The following EBF3 variants were observed in gnomAD, a reference collection of about 807,000 sequenced individuals.
The protein encoded by EBF3 is EBF transcription factor 3, also known as transcription factor COE3.
In EBF3, 18 loss-of-function variants were observed where a neutral mutation model predicts 77.1. The ratio of observed to expected loss-of-function variants is 0.23; its 90% CI spans 0.16 to 0.35. The LOEUF (loss-of-function observed/expected upper bound fraction) is 0.35, where lower values mean the gene tolerates loss of function less well. EBF3 is among the 10% of genes least tolerant of loss of function. The pLI, the probability that EBF3 is intolerant of heterozygous loss-of-function variation, is 1.00. For synonymous variants in EBF3, 350 were observed against 343.5 expected (o/e 1.02, Z -0.21); for missense variants, 558 against 860.0 (o/e 0.65, Z 4.39).
chr10:129,942,822 G>C (rs1054918786), intron 6 of EBF3, among the ~76,000 whole-genome samples: 2 of 152,170 alleles, frequency 1.3e-5, no homozygotes, highest in African/African-American at 4.8e-5. Context: ...AACCAGGACA[G>C]ACTCTCCTCC....
Position 129,841,934 on chromosome 10 carries a change from C to G in EBF3, c.1372+182G>C, listed in dbSNP as rs895454358. Among the ~76,000 whole-genome samples, 2 of 152,184 alleles carry G rather than the reference C, an allele frequency of 1.3e-5. No individual in the cohort carries two copies. Among genetic ancestry groups the G allele is most frequent in the African/African-American group, 4.8e-5 (2 of 41,426 alleles). On this transcript the variant is annotated intron_variant, in intron 13 of 16. Transcript: ENST00000440978. This position sits in a 1 kb window ranked among gnomAD's most constrained non-coding sequence, Gnocchi z 4.6. ...ACTGGGCTCTCTGAGTGTTCTTACC[C>G]CAGCACTGGCTGGGAGGACCTGCAG...
At chr10:129,908,445 A>C (rs1855292169) in intron 6 of EBF3, among the ~76,000 whole-genome samples, 1 of 152,216 alleles carries the variant, frequency 6.6e-6, no homozygotes, top group South Asian at 2.1e-4. Flanking sequence ...GCAGAACTAC[A>C]TGGGCCGTCC....
At chr10:129,902,011 A>G (rs978072124) in intron 6 of EBF3, among the ~76,000 whole-genome samples, 1 of 152,102 alleles carries the variant, frequency 6.6e-6, no homozygotes, top group Non-Finnish European at 1.5e-5. Flanking sequence ...ATAAATGCAA[A>G]CTCTGCTTCC....
intron 10 of EBF3, among the ~76,000 whole-genome samples, chr10:129,860,745 T>G (rs1394298978): frequency 6.6e-6 from 1 of 152,202 alleles, no homozygotes; most frequent in African/African-American, 2.4e-5. Flanking sequence ...GTTGGGAAAT[T>G]AGCAAATAAT....
chr10:129,932,825 C>A (rs565912705), intron 6 of EBF3, among the ~76,000 whole-genome samples: 1 of 152,004 alleles, frequency 6.6e-6, no homozygotes, highest in East Asian at 1.9e-4. Context: ...TAAAACCAGC[C>A]GTCATCCTCA....
chr10:129,911,898 G>C (rs1442755360), intron 6 of EBF3, among the ~76,000 whole-genome samples: 8 of 152,142 alleles, frequency 5.3e-5, no homozygotes, highest in African/African-American at 1.9e-4. Flanking sequence ...TGGGCAAAGG[G>C]GTCTCCGCGA....
chr10:129,914,307 G>A (rs1021678107), intron 6 of EBF3, among the ~76,000 whole-genome samples: 4 of 152,126 alleles, frequency 2.6e-5, no homozygotes, highest in Non-Finnish European at 4.4e-5. Flanking sequence ...GCAGGGGCAC[G>A]GCGTTGGGCA....
At position 129,963,282 on chromosome 10, in the gene EBF3, G is replaced by C. The variant is rs749156291; in HGVS notation, c.291+85C>G. 10 of 1,533,948 alleles carry C rather than the reference G, an allele frequency of 6.5e-6. No homozygotes were observed. The highest frequency in any genetic ancestry group is 8.8e-6 in the Non-Finnish European group (10 of 1,142,200). ...TGGCGGAGCCGAGCCCGCCGCCTAG[G>C]GGGGCACTCGAACCCCCGCGCACCG... On this transcript the variant is annotated intron_variant, in intron 2 of 16. Transcript: ENST00000440978. This position sits in a 1 kb window ranked among gnomAD's most constrained non-coding sequence, Gnocchi z 7.1.
intron 10 of EBF3, among the ~76,000 whole-genome samples, chr10:129,854,885 C>T (rs1851139816): frequency 6.6e-6 from 1 of 152,240 alleles, no homozygotes; most frequent in Non-Finnish European, 1.5e-5. Context: ...TCACCAGGGG[C>T]GCTGCCCGCG....
chr10:129,909,859 C>T (rs994953065), intron 6 of EBF3, among the ~76,000 whole-genome samples: 1 of 152,234 alleles, frequency 6.6e-6, no homozygotes, highest in Non-Finnish European at 1.5e-5. Flanking sequence ...CTGACCTCTG[C>T]GCTCTGGAAA....
At chr10:129,928,270 T>C (rs1187255132) in intron 6 of EBF3, among the ~76,000 whole-genome samples, 2 of 152,140 alleles carry the variant, frequency 1.3e-5, no homozygotes, top group Admixed American at 6.6e-5. Flanking sequence ...TACCTAAAAG[T>C]ATACAAAAAA....
chr10:129,879,238 C>T lies in EBF3; in HGVS notation c.555-1389G>A, dbSNP rs117305118. On this transcript the variant is annotated intron_variant, in intron 6 of 16. Coordinates refer to ENST00000440978, the MANE Select transcript of EBF3 (RefSeq NM_001375380.1). The surrounding 1 kb of genome is among the most constrained non-coding windows in gnomAD (Gnocchi z 4.7). ...TGCCTCAACTTGAAAAGGCCACAAC[C>T]AAGAGGTCCCAGAGCTTGGGTCTGT... Among the ~76,000 whole-genome samples, 1,466 of 152,246 alleles carry T rather than the reference C, an allele frequency of 9.6e-3. 11 individuals are homozygous for T. Among genetic ancestry groups the T allele is most frequent in the Non-Finnish European group, 0.017 (1,140 of 68,010 alleles).
chr10:129,857,788 C>T (rs1430073613), intron 10 of EBF3, among the ~76,000 whole-genome samples: 1 of 152,176 alleles, frequency 6.6e-6, no homozygotes, highest in South Asian at 2.1e-4. Context: ...GATACCCCCA[C>T]CATGAGCGCC....
chr10:129,849,232 G>T (rs943008596), intron 10 of EBF3, among the ~76,000 whole-genome samples: 1 of 152,214 alleles, frequency 6.6e-6, no homozygotes, highest in Non-Finnish European at 1.5e-5. Flanking sequence ...GCTTTATTAT[G>T]GCTCTGCCTG....
chr10:129,880,317 A>G (rs1053488689), intron 6 of EBF3, among the ~76,000 whole-genome samples: 4 of 151,876 alleles, frequency 2.6e-5, no homozygotes, highest in African/African-American at 9.7e-5. Flanking sequence ...ACATACACAC[A>G]CATGCCCACA....
At position 129,940,797 on chromosome 10, in the gene EBF3, G is replaced by A. The variant is rs374356860; in HGVS notation, c.554+16461C>T. 6.6e-5 allele frequency among the ~76,000 whole-genome samples: 10 copies of A among 152,182 alleles called. No homozygotes were observed. The East Asian group carries it at 7.7e-4, about 12-fold the overall frequency. ...AGGATGCCAGGGGAACCGCGGGGGA[G>A]TCTGGGCATGGGAAGGCAGAGGGCA... On this transcript the variant is annotated intron_variant, in intron 6 of 16. Transcript: ENST00000440978.
At chr10:129,921,610 C>T (rs1250622780) in intron 6 of EBF3, among the ~76,000 whole-genome samples, 2 of 152,186 alleles carry the variant, frequency 1.3e-5, no homozygotes, top group Admixed American at 1.3e-4. Flanking sequence ...TTGCAGCCAG[C>T]CCACGGCAGC....
chr10:129,856,683 G>A (rs1851274011), intron 10 of EBF3, among the ~76,000 whole-genome samples: 1 of 152,154 alleles, frequency 6.6e-6, no homozygotes, highest in African/African-American at 2.4e-5. Flanking sequence ...CGCTACCCAA[G>A]GGAAGGAGGA....
chr10:129,935,855 GC>G lies in EBF3; in HGVS notation c.554+21402del, dbSNP rs1220478087. ...GACAGGAGAGGCCAAGACACCAAGA[GC>G]GGCCACGATCAGCCACAGGCAGGCA... On this transcript the variant is annotated intron_variant, in intron 6 of 16. Coordinates refer to ENST00000440978, the MANE Select transcript of EBF3 (RefSeq NM_001375380.1). The surrounding 1 kb of genome is among the most constrained non-coding windows in gnomAD (Gnocchi z 4.2). 2.0e-5 allele frequency among the ~76,000 whole-genome samples: 3 copies of G among 152,190 alleles called. No individual in the cohort carries two copies. The highest frequency in any genetic ancestry group is 7.2e-5 in the African/African-American group (3 of 41,458).
Sources: allele counts gnomAD v4.1 joint callset (sites outside exome capture counted in the v4.1 genomes callset), GRCh38; gene constraint gnomAD v4.1.1; non-coding constraint Gnocchi (gnomAD v3.1); transcripts MANE v1.5; gene names NCBI Gene and HGNC (gene_info 2026-07-23, HGNC 2026-07-21).